Variants in ZFPM2 observed in about 807,000 individuals in gnomAD.
The protein encoded by ZFPM2 is zinc finger protein ZFPM2.
Under a neutral mutation model 98.6 loss-of-function variants are expected in ZFPM2, and 20 were observed. The observed-to-expected ratio is 0.20, with a 90% confidence interval of 0.14 to 0.29. ZFPM2 has a LOEUF of 0.29. Ranked by LOEUF, ZFPM2 falls within the 10% of genes least tolerant of loss-of-function variation. The pLI is 1.00. For synonymous variants in ZFPM2, 518 were observed against 502.7 expected, an observed-to-expected ratio of 1.03 and a Z score of -0.41; for missense variants, 1,310 against 1,388.6, an observed-to-expected ratio of 0.94 and a Z score of 0.90.
intron 1 of ZFPM2, among the ~76,000 whole-genome samples, chr8:105,383,956 A>G (rs1345509075): frequency 6.6e-6 from 1 of 152,214 alleles, no homozygotes; most frequent in Non-Finnish European, 1.5e-5. Flanking sequence ...GTATTAATAT[A>G]AAGAGAAGAA....
chr8:105,362,475 T>C (rs1209695584), intron 1 of ZFPM2, among the ~76,000 whole-genome samples: 1 of 151,494 alleles, frequency 6.6e-6, no homozygotes, highest in African/African-American at 2.4e-5. Flanking sequence ...TGAGATGCTG[T>C]GATGATAGCA....
intron 4 of ZFPM2, among the ~76,000 whole-genome samples, chr8:105,630,113 C>T (rs1292911761): frequency 6.6e-6 from 1 of 152,088 alleles, no homozygotes; most frequent in Non-Finnish European, 1.5e-5. Flanking sequence ...CAATTGTACC[C>T]ATTGTAGAGT....
intron 5 of ZFPM2, among the ~76,000 whole-genome samples, chr8:105,783,210 GTTT>G (rs753557703): frequency 4.3e-4 from 38 of 88,942 alleles, no homozygotes; most frequent in African/African-American, 1.5e-3. Flanking sequence ...TTTCTTTATG[GTTT>G]TTTTTTTTTT....
Position 105,772,273 on chromosome 8 carries a change from A to G in ZFPM2, c.533-16445A>G, listed in dbSNP as rs75875607. On this transcript the variant is annotated intron_variant, in intron 5 of 7. Coordinates refer to ENST00000407775, the MANE Select transcript of ZFPM2 (RefSeq NM_012082.4). The stretch of plus-strand genomic sequence containing the variant: ...AAGGCAGAGTTAAATTCAAGTGGGG[A>G]AAAGCACTCAGTCCGTGACAAAATC... 6.1e-3 allele frequency among the ~76,000 whole-genome samples: 931 copies of G among 152,270 alleles called. 3 individuals carry two copies. The highest frequency in any genetic ancestry group is 0.01 in the Non-Finnish European group (704 of 68,028).
intron 1 of ZFPM2, among the ~76,000 whole-genome samples, chr8:105,386,295 A>C (rs1434247540): frequency 2.6e-5 from 4 of 152,142 alleles, no homozygotes; most frequent in Non-Finnish European, 4.4e-5. Flanking sequence ...GCTAAAGCAT[A>C]CATTTTTAAT....
chr8:105,744,969 T>C (rs1192813941), intron 5 of ZFPM2, among the ~76,000 whole-genome samples: 2 of 152,182 alleles, frequency 1.3e-5, no homozygotes, highest in Non-Finnish European at 2.9e-5. Flanking sequence ...TCAAAGATTT[T>C]GCAGGAGCAG....
At chr8:105,402,876 G>A (rs1158047902) in intron 1 of ZFPM2, among the ~76,000 whole-genome samples, 1 of 152,006 alleles carries the variant, frequency 6.6e-6, no homozygotes, top group Non-Finnish European at 1.5e-5. Context: ...TAGTTTCTGA[G>A]AGCCAGAAGA....
rs187866794 is a variant in ZFPM2, at chr8:105,481,455, G to T, written c.301+37074G>T. Among the ~76,000 whole-genome samples, 262 of 152,200 alleles carry T rather than the reference G, an allele frequency of 1.7e-3. 1 individual carries two copies. The highest frequency in any genetic ancestry group is 3.2e-3 in the Non-Finnish European group (219 of 68,016). On this transcript the variant is annotated intron_variant, in intron 3 of 7. Transcript: ENST00000407775. ...CGTGGCCTTTTCTGTTTGTGCACAC[G>T]GAAAGACGGGAGCTCTGCTTTCTCT...
chr8:105,445,354 T>C (rs1812344592), intron 3 of ZFPM2, among the ~76,000 whole-genome samples: 1 of 152,192 alleles, frequency 6.6e-6, no homozygotes, highest in African/African-American at 2.4e-5. Context: ...CTGTATACTA[T>C]AACATAATGC....
chr8:105,701,219 T>C (rs1811134215), intron 5 of ZFPM2, among the ~76,000 whole-genome samples: 1 of 152,246 alleles, frequency 6.6e-6, no homozygotes, highest in Admixed American at 6.5e-5. Context: ...AAGCAAAACC[T>C]ATATTCTGTT....
chr8:105,549,049 T>C (rs1037306), intron 3 of ZFPM2, among the ~76,000 whole-genome samples: 33,339 of 152,010 alleles, frequency 0.22, 3,903 homozygotes, highest in African/African-American at 0.3. Flanking sequence ...TGATCACACC[T>C]CAAATAAGCA....
chr8:105,607,203 T>G (rs1230242733), intron 4 of ZFPM2, among the ~76,000 whole-genome samples: 1 of 152,194 alleles, frequency 6.6e-6, no homozygotes, highest in Non-Finnish European at 1.5e-5. Flanking sequence ...AATGTAGTTT[T>G]ACATGTCTTA....
chr8:105,446,102 A>G (rs1812364271), intron 3 of ZFPM2, among the ~76,000 whole-genome samples: 1 of 151,914 alleles, frequency 6.6e-6, no homozygotes, highest in Admixed American at 6.6e-5. Flanking sequence ...TTGTATTTTT[A>G]GTAGAGACGG....
chr8:105,507,670 A>G (rs1438546435), intron 3 of ZFPM2, among the ~76,000 whole-genome samples: 1 of 152,214 alleles, frequency 6.6e-6, no homozygotes, highest in Admixed American at 6.5e-5. Context: ...GCCCTAATAG[A>G]ATTATACTGT....
intron 1 of ZFPM2, among the ~76,000 whole-genome samples, chr8:105,361,746 A>G (rs988924567): frequency 1.3e-5 from 2 of 152,196 alleles, no homozygotes; most frequent in African/African-American, 4.8e-5. Flanking sequence ...ATATTCAGTC[A>G]TGTACTACAT....
intron 3 of ZFPM2, among the ~76,000 whole-genome samples, chr8:105,483,939 T>G (rs1228949869): frequency 6.6e-6 from 1 of 151,912 alleles, no homozygotes; most frequent in African/African-American, 2.4e-5. Context: ...TTTCACCGTG[T>G]TATCCAGGAT....
intron 2 of ZFPM2, among the ~76,000 whole-genome samples, chr8:105,429,677 T>G (rs1431822762): frequency 2.0e-5 from 3 of 147,450 alleles, no homozygotes; most frequent in African/African-American, 7.7e-5. Flanking sequence ...GAAACAACAA[T>G]TCTACAAAAA....
At chr8:105,659,879 T>G (rs1200051485) in intron 5 of ZFPM2, among the ~76,000 whole-genome samples, 7 of 152,164 alleles carry the variant, frequency 4.6e-5, no homozygotes, top group Non-Finnish European at 5.9e-5. Flanking sequence ...TAAATAATAG[T>G]TTTTTTCAAA....
chr8:105,405,362 G>A (rs1811425883), intron 1 of ZFPM2, among the ~76,000 whole-genome samples: 1 of 151,776 alleles, frequency 6.6e-6, no homozygotes, highest in African/African-American at 2.4e-5. Context: ...CATGTGCCAT[G>A]TTGGTGTGCT....
Sources: allele counts gnomAD v4.1 joint callset (sites outside exome capture counted in the v4.1 genomes callset), GRCh38; gene constraint gnomAD v4.1.1; transcripts MANE v1.5; gene names NCBI Gene and HGNC (gene_info 2026-07-23, HGNC 2026-07-21).